The following UBAP1L variants were observed in gnomAD, a reference collection of about 807,000 sequenced individuals.
UBAP1L encodes ubiquitin associated protein 1 like, also known as ubiquitin-associated protein 1-like.
In UBAP1L, 32 loss-of-function variants were observed where a neutral mutation model predicts 32.1. That is an observed-to-expected ratio of 1.00 (90% CI 0.75 to 1.34). UBAP1L has a LOEUF of 1.34. UBAP1L is among the 40% of genes most tolerant of loss of function. The probability of loss-of-function intolerance (pLI) is 0.00; values close to 1 mark genes in which losing one functional copy is unlikely to be tolerated. For synonymous variants in UBAP1L, 243 were observed against 250.2 expected, an observed-to-expected ratio of 0.97 and a Z score of 0.27; for missense variants, 516 against 540.5, an observed-to-expected ratio of 0.95 and a Z score of 0.45.
At chr15:65,097,390 G>A (rs1482750249) in intron 4 of UBAP1L, 1 of 152,318 alleles carries the variant, frequency 6.6e-6, no homozygotes, top group Non-Finnish European at 1.5e-5. Flanking sequence ...CCGAAGGTAG[G>A]CGTGACTTTA....
chr15:65,106,656 T>G, intron 1 of UBAP1L, among the ~76,000 whole-genome samples: 1 of 113,806 alleles, frequency 8.8e-6, no homozygotes, highest in South Asian at 3.0e-4. Context: ...TTTTTTTTTT[T>G]CTGGGACGAA....
Position 65,113,754 on chromosome 15 carries a change from A to AAAAAG in UBAP1L, c.-174+1391_-174+1395dup, listed in dbSNP as rs112819457. On this transcript the variant is annotated intron_variant, in intron 1 of 5. Transcript: ENST00000559089. ...CAAAGCGAGAGTCTGTCTCAAGAAT[A>AAAAAG]AAAAGAAAAGAAAAGAAAAGAAAAA... Among the ~76,000 whole-genome samples the AAAAAG allele has an allele frequency of 1.1e-3, 170 of 152,254 alleles. 2 individuals are homozygous for AAAAAG. In the South Asian group the frequency reaches 0.021, roughly 19 times the overall value.
At chr15:65,114,727 T>A (rs2087391879) in intron 1 of UBAP1L, among the ~76,000 whole-genome samples, 1 of 152,236 alleles carries the variant, frequency 6.6e-6, no homozygotes, top group African/African-American at 2.4e-5. Flanking sequence ...ATCCAGACTG[T>A]GGCCAGCATG....
At chr15:65,099,970 G>A (rs778899909) in intron 3 of UBAP1L, 26 of 343,574 alleles carry the variant, frequency 7.6e-5, no homozygotes, top group South Asian at 1.2e-4. Context: ...GGGACTGGGC[G>A]CGGTGGCTCA....
In UBAP1L at chr15:65,106,124, GC is replaced by G. The variant is rs1418422537; in HGVS notation, c.91del (p.Ala31ProfsTer50). On this transcript the variant is annotated frameshift_variant, in exon 2 of 6. Transcript: ENST00000559089. LOFTEE classifies it high-confidence loss of function. ...PLPGPELSVP[A>X]CGEVLLGSMH... ...AGAACCCAGCAGAACTTCCCCGCAG[GC>G]CGGGACGCTGAGTTCTGGCCCAGGG... 6.4e-7 allele frequency: 1 copy of G among 1,550,922 alleles called. No individual in the cohort carries two copies. The highest frequency in any genetic ancestry group is 2.4e-5 in the East Asian group (1 of 40,902).
chr15:65,113,720 C>G (rs981101479), intron 1 of UBAP1L, among the ~76,000 whole-genome samples: 3 of 151,974 alleles, frequency 2.0e-5, no homozygotes, highest in African/African-American at 7.2e-5. Flanking sequence ...TGCACTCCAG[C>G]CTGGGCGACA....
chr15:65,109,388 CAGG>C (rs1355082021), intron 1 of UBAP1L, among the ~76,000 whole-genome samples: 1 of 140,832 alleles, frequency 7.1e-6, no homozygotes, highest in African/African-American at 2.6e-5. Flanking sequence ...GAGGCTGAGG[CAGG>C]AGAATGGCAT....
In UBAP1L at chr15:65,102,379, C is replaced by A; in HGVS notation, c.426G>T (p.Leu142=). The change falls in exon 3 of 6, where the codon CTG becomes CTT. Residue 142 remains leucine, a synonymous_variant. Transcript: ENST00000559089. This position sits in a 1 kb window ranked among gnomAD's most constrained non-coding sequence, Gnocchi z 5.0. Reference sequence around the variant, plus strand: ...CGCCGCGTAGCACGTCCAGCGAGCACAGGCGACGGCCGGGGCCGGGGCTCG... The same window carrying A: ...CGCCGCGTAGCACGTCCAGCGAGCAAAGGCGACGGCCGGGGCCGGGGCTCG... ...SPASPGPGRR[L]CSLDVLRGVR... The A allele has an allele frequency of 6.9e-7, 1 of 1,453,780 alleles. No homozygotes were observed. Among genetic ancestry groups the A allele is most frequent in the South Asian group, 1.4e-5 (1 of 73,124 alleles). The allele number at this position is 1,453,780 out of a possible 1,614,324, so 90.1% of individuals were successfully genotyped here. A position where few individuals can be genotyped will look rare whatever the true frequency, so the allele number is the denominator to read the frequency against.
At chr15:65,109,494 A>AC (rs1217035906) in intron 1 of UBAP1L, among the ~76,000 whole-genome samples, 1 of 151,084 alleles carries the variant, frequency 6.6e-6, no homozygotes. Context: ...AAAAAAAAAA[A>AC]AAAAAAAAAA....
chr15:65,094,060 T>G lies in UBAP1L; in HGVS notation c.1011+415A>C, dbSNP rs1000293240. ...AGACTCAGTCTCAGAAAACAAGATGTGACTATTGGGCCTACAGCTGCATGC... is the reference window on the plus strand; with the variant it reads ...AGACTCAGTCTCAGAAAACAAGATGGGACTATTGGGCCTACAGCTGCATGC... On this transcript the variant is annotated intron_variant, in intron 5 of 5. Coordinates refer to ENST00000559089, the MANE Select transcript of UBAP1L (RefSeq NM_001163692.2). This position sits in a 1 kb window ranked among gnomAD's most constrained non-coding sequence, Gnocchi z 4.2. Among the ~76,000 whole-genome samples the G allele has an allele frequency of 6.6e-6, 1 of 152,128 alleles. No homozygotes were observed. Among genetic ancestry groups the G allele is most frequent in the African/African-American group, 2.4e-5 (1 of 41,512 alleles).
At position 65,106,290 on chromosome 15, in the gene UBAP1L, G is replaced by A. The variant is rs2087311055; in HGVS notation, c.-75C>T. The A allele has an allele frequency of 5.5e-6, 8 of 1,461,332 alleles. No individual in the cohort carries two copies. Among genetic ancestry groups the A allele is most frequent in the Non-Finnish European group, 7.2e-6 (8 of 1,108,874 alleles). The allele number at this position is 1,461,332 out of a possible 1,614,324, so 90.5% of individuals were successfully genotyped here. A position where few individuals can be genotyped will look rare whatever the true frequency, so the allele number is the denominator to read the frequency against. On this transcript the variant is annotated 5_prime_UTR_variant, in exon 2 of 6. Transcript: ENST00000559089. ...TGGCAGGGAGAGAGAGTCGAGTCCTGAGGACCAGGCTCAGGCCTCAAATGG... is the reference window on the plus strand; with the variant it reads ...TGGCAGGGAGAGAGAGTCGAGTCCTAAGGACCAGGCTCAGGCCTCAAATGG...
At position 65,094,667 on chromosome 15, in the gene UBAP1L, G is replaced by T. The variant is rs1401298910; in HGVS notation, c.910-91C>A. On this transcript the variant is annotated intron_variant, in intron 4 of 5. Coordinates refer to ENST00000559089, the MANE Select transcript of UBAP1L (RefSeq NM_001163692.2). This position sits in a 1 kb window ranked among gnomAD's most constrained non-coding sequence, Gnocchi z 4.2. ...GAGAGGCACTCCAAGGGCCTGAGCT[G>T]AGGGCCAGGCAACAGGGCAAGCCAC... The T allele has an allele frequency of 2.1e-6, 2 of 970,622 alleles. No individual in the cohort carries two copies. The highest frequency in any genetic ancestry group is 3.2e-6 in the Non-Finnish European group (2 of 626,612). The allele number at this position is 970,622 out of a possible 1,614,324, so 60.1% of individuals were successfully genotyped here. A position where few individuals can be genotyped will look rare whatever the true frequency, so the allele number is the denominator to read the frequency against.
chr15:65,099,652 G>A lies in UBAP1L; in HGVS notation c.762C>T (p.His254=). The stretch of plus-strand genomic sequence containing the variant: ...CAGCCGCAGTATCAGGGTGTGACTT[G>A]TGGGGGTTGAGAGGTTGGGGTGCCC... ...LGGAPQPLNP[H]KSHPDTAADL... is the part of the protein sequence containing the mutation. Residue 254 remains histidine (H), a synonymous_variant, in exon 4 of 6, where the codon CAC becomes CAT. Transcript: ENST00000559089. 2 of 1,551,638 alleles carry A rather than the reference G, an allele frequency of 1.3e-6. No individual in the cohort carries two copies. The highest frequency in any genetic ancestry group is 1.7e-6 in the Non-Finnish European group (2 of 1,146,962).
intron 1 of UBAP1L, among the ~76,000 whole-genome samples, chr15:65,110,704 AAAAG>A (rs2087364133): frequency 6.7e-6 from 1 of 149,020 alleles, no homozygotes; most frequent in African/African-American, 2.5e-5. Context: ...AAAAAAAAAG[AAAAG>A]AAAAGAAAAA....
Position 65,092,998 on chromosome 15 carries a change from A to G in UBAP1L, c.*99T>C. ...TGTGTTTTTACAATAAGTATGCATCACTTTGTTACTCTTACTTGGTTTTAA... is the reference window on the plus strand; with the variant it reads ...TGTGTTTTTACAATAAGTATGCATCGCTTTGTTACTCTTACTTGGTTTTAA... On this transcript the variant is annotated 3_prime_UTR_variant, in exon 6 of 6. Transcript: ENST00000559089. 1 of 1,416,446 alleles carries G rather than the reference A, an allele frequency of 7.1e-7. No individual in the cohort carries two copies. The highest frequency in any genetic ancestry group is 9.4e-7 in the Non-Finnish European group (1 of 1,069,064). 87.7% of individuals were successfully genotyped at this position (1,416,446 alleles called of 1,614,324 possible).
intron 1 of UBAP1L, among the ~76,000 whole-genome samples, chr15:65,108,919 G>A (rs972309018): frequency 1.3e-5 from 2 of 151,952 alleles, no homozygotes; most frequent in African/African-American, 4.8e-5. Context: ...CACTTTGGGA[G>A]GCTAAGGCAG....
rs953412830 is a variant in UBAP1L, at chr15:65,102,386, C to A, written c.419G>T (p.Arg140Leu). ...PGSPASPGPG[R>L]RLCSLDVLRG... ...TAGCACGTCCAGCGAGCACAGGCGA[C>A]GGCCGGGGCCGGGGCTCGCCGGGGA... The change falls in exon 3 of 6, where the codon CGT becomes CTT. Residue 140 changes from arginine to leucine, a missense_variant. Transcript: ENST00000559089. The surrounding 1 kb of genome is among the most constrained non-coding windows in gnomAD (Gnocchi z 5.0). The A allele has an allele frequency of 3.0e-5, 43 of 1,444,402 alleles. No individual in the cohort carries two copies. In the African/African-American group the frequency reaches 6.0e-4, roughly 20 times the overall value. The allele number at this position is 1,444,402 out of a possible 1,614,324, so 89.5% of individuals were successfully genotyped here. A position where few individuals can be genotyped will look rare whatever the true frequency, so the allele number is the denominator to read the frequency against.
Position 65,092,976 on chromosome 15 carries a change from G to A in UBAP1L, c.*121C>T. On this transcript the variant is annotated 3_prime_UTR_variant, in exon 6 of 6. Coordinates refer to ENST00000559089, the MANE Select transcript of UBAP1L (RefSeq NM_001163692.2). ...AACTGTCACCCTTGGTATTATTTGTGTTTTTACAATAAGTATGCATCACTT... is the reference window on the plus strand; with the variant it reads ...AACTGTCACCCTTGGTATTATTTGTATTTTTACAATAAGTATGCATCACTT... 1 of 1,310,626 alleles carries A rather than the reference G, an allele frequency of 7.6e-7. No individual in the cohort carries two copies. The highest frequency in any genetic ancestry group is 1.5e-5 in the South Asian group (1 of 65,096). The allele number at this position is 1,310,626 out of a possible 1,614,324, so 81.2% of individuals were successfully genotyped here.
rs569351745 is a variant in UBAP1L at position 65,094,799 on chromosome 15, A to G, written c.910-223T>C. 55 of 575,862 alleles carry G rather than the reference A, an allele frequency of 9.6e-5. No individual in the cohort carries two copies. Among genetic ancestry groups the G allele is most frequent in the Admixed American group, 2.0e-4 (7 of 34,320 alleles). 35.7% of individuals were successfully genotyped at this position (575,862 alleles called of 1,614,324 possible). A position where few individuals can be genotyped will look rare whatever the true frequency, so the allele number is the denominator to read the frequency against. On this transcript the variant is annotated intron_variant, in intron 4 of 5. Transcript: ENST00000559089. This position sits in a 1 kb window ranked among gnomAD's most constrained non-coding sequence, Gnocchi z 4.2. Reference sequence around the variant, plus strand: ...ACAATGGGTCTTCACCAACTATGCCAAGCTGGGGGCTGGACTCCAGGAAAA... The same window carrying G: ...ACAATGGGTCTTCACCAACTATGCCGAGCTGGGGGCTGGACTCCAGGAAAA...
Sources: gnomAD v4.1 joint callset for allele counts (sites outside exome capture counted in the v4.1 genomes callset) on GRCh38, gnomAD v4.1.1 for gene constraint, Gnocchi (gnomAD v3.1) non-coding constraint, MANE v1.5 for transcripts, NCBI Gene and HGNC (gene_info 2026-07-23, HGNC 2026-07-21) for gene names.